CD151: variants seen among roughly 807,000 people sequenced by gnomAD.
CD151 encodes CD151 molecule (Raph blood group).
CD151 carries 20 observed loss-of-function variants against 34.2 expected under a neutral mutation model. The ratio of observed to expected loss-of-function variants is 0.58; its 90% CI spans 0.41 to 0.85. CD151 has a LOEUF of 0.85. Ranked by LOEUF, CD151 falls within the 40% of genes least tolerant of loss-of-function variation. The probability of loss-of-function intolerance (pLI) is 0.00; values close to 1 mark genes in which losing one functional copy is unlikely to be tolerated. For synonymous variants in CD151, 157 were observed against 131.7 expected, an observed-to-expected ratio of 1.19 and a Z score of -1.32; for missense variants, 306 against 324.5, an observed-to-expected ratio of 0.94 and a Z score of 0.44.
intron 7 of CD151, 49 bp downstream of exon 7, chr11:837,667 G>A (rs1846828480): frequency 1.8e-5 from 29 of 1,569,368 alleles, no homozygotes; most frequent in Non-Finnish European, 2.5e-5. Context: ...GGTGGTGGGG[G>A]GGCACCCCAG....
intron 5 of CD151, 34 bp from the exon 6 acceptor site, chr11:837,216 A>G: frequency 6.4e-7 from 1 of 1,564,350 alleles, no homozygotes; most frequent in Non-Finnish European, 8.8e-7. Flanking sequence ...AAGGTCTTAG[A>G]CTGAGGCTGA....
Position 838,391 on chromosome 11 carries a change from G to A in CD151, c.*199G>A, listed in dbSNP as rs1404406419. 1.1e-5 allele frequency: 6 copies of A among 546,524 alleles called. No homozygotes were observed. The highest frequency in any genetic ancestry group is 2.0e-5 in the Non-Finnish European group (6 of 305,352). The allele number at this position is 546,524 out of a possible 1,614,324, so 33.9% of individuals were successfully genotyped here. On this transcript the variant is annotated 3_prime_UTR_variant, in exon 9 of 9. Coordinates refer to ENST00000397420, the MANE Select transcript of CD151 (RefSeq NM_004357.5). The stretch of plus-strand genomic sequence containing the variant: ...AGGTGAGGGGGGCTGGCGGGGCGAA[G>A]TTTGGGGGGTGTTTTGTGGGGCTCC...
chr11:836,413 T>G lies in CD151; in HGVS notation c.247T>G (p.Phe83Val). The stretch of plus-strand genomic sequence containing the variant: ...TGGGGTCTTGGGCTGCTGCGCCACC[T>G]TCAAGGAGCGTCGGAACCTGCTGCG... Reference protein sequence around the residue: ...VTGVLGCCATFKERRNLLRLY... With the variant: ...VTGVLGCCATVKERRNLLRLY... Residue 83 changes from phenylalanine to valine, a missense_variant, in exon 4 of 9, where the codon TTC becomes GTC. By Grantham distance (50) the Phe-to-Val change is conservative (BLOSUM62 -1). Coordinates refer to ENST00000397420, the MANE Select transcript of CD151 (RefSeq NM_004357.5). 16 of 1,610,890 alleles carry G rather than the reference T, an allele frequency of 9.9e-6. No individual in the cohort carries two copies. Among genetic ancestry groups the G allele is most frequent in the Middle Eastern group, 1.7e-4 (1 of 6,054 alleles).
At chr11:835,689 A>G (rs1846731531) in intron 2 of CD151, 2 of 165,412 alleles carry the variant, frequency 1.2e-5, no homozygotes, top group South Asian at 2.6e-4. Context: ...TCTTTTTATT[A>G]TTTATTTATT....
At position 837,496 on chromosome 11, in the gene CD151, C is replaced by T. The variant is rs759213580; in HGVS notation, c.493C>T (p.Arg165Ter). 16 of 1,612,918 alleles carry T rather than the reference C, an allele frequency of 9.9e-6. No homozygotes were observed. The highest frequency in any genetic ancestry group is 2.2e-5 in the East Asian group (1 of 44,870). ...TGGCAGCAACAACTCACAGGACTGG[C>T]GAGACAGTGAGTGGATCCGCTCACA... ...CCGSNNSQDW[R>*]DSEWIRSQEA... The change falls in exon 7 of 9, where the codon CGA becomes TGA. Residue 165 changes from arginine to a stop codon, truncating the protein, a stop_gained. Coordinates refer to ENST00000397420, the MANE Select transcript of CD151 (RefSeq NM_004357.5). LOFTEE classifies it high-confidence loss of function.
chr11:836,760 C>G lies in CD151; in HGVS notation c.277-9C>G, dbSNP rs757285151. On this transcript the variant is annotated splice_polypyrimidine_tract_variant and intron_variant, in intron 4 of 8. Transcript: ENST00000397420. Reference sequence around the variant, plus strand: ...CAGAACAAGGGTGCCCTTGTGCTGCCCCCCCCAGTACTTCATCCTGCTCCT... The same window carrying G: ...CAGAACAAGGGTGCCCTTGTGCTGCGCCCCCCAGTACTTCATCCTGCTCCT... 5.0e-6 allele frequency: 8 copies of G among 1,612,250 alleles called. No individual in the cohort carries two copies. The South Asian group carries it at 8.8e-5, about 18-fold the overall frequency.
chr11:837,599 C>T lies in CD151; in HGVS notation c.596C>T (p.Ser199Phe), dbSNP rs1846824439. The T allele has an allele frequency of 1.9e-6, 3 of 1,612,436 alleles. No individual in the cohort carries two copies. The highest frequency in any genetic ancestry group is 2.5e-6 in the Non-Finnish European group (3 of 1,179,720). ...CTTTGTGGGCAGCGAGACCATGCCT[C>T]CAACATCTACAAGGTGGAGGTGGGT... is the stretch of plus-strand genomic sequence containing the variant. The part of the protein sequence containing the change: ...VALCGQRDHA[S>F]NIYKVEGGCI... The change falls in exon 7 of 9, where the codon TCC becomes TTC. Residue 199 changes from serine to phenylalanine, a missense_variant. Transcript: ENST00000397420.
chr11:836,992 G>C, intron 5 of CD151, 149 bp downstream of exon 5: 1 of 724,222 alleles, frequency 1.4e-6, no homozygotes, highest in Non-Finnish European at 2.4e-6. Flanking sequence ...ATGGGGTCTA[G>C]GTCTCTGCAG....
At chr11:833,953 C>T (rs899832521) in intron 1 of CD151, 2 of 152,298 alleles carry the variant, frequency 1.3e-5, no homozygotes, top group African/African-American at 4.8e-5. Context: ...AGGTCTGTCC[C>T]CCTCCAGCTC....
chr11:837,591 C>G lies in CD151; in HGVS notation c.588C>G (p.Asp196Glu), dbSNP rs753891282. 1 of 1,612,710 alleles carries G rather than the reference C, an allele frequency of 6.2e-7. No individual in the cohort carries two copies. The highest frequency in any genetic ancestry group is 1.7e-5 in the Admixed American group (1 of 60,004). ...TGGTGGCTCTTTGTGGGCAGCGAGA[C>G]CATGCCTCCAACATCTACAAGGTGG... Reference protein sequence around the residue: ...KTVVALCGQRDHASNIYKVEG... With the variant: ...KTVVALCGQREHASNIYKVEG... Residue 196 changes from aspartate (D) to glutamate (E), a missense_variant, in exon 7 of 9, where the codon GAC becomes GAG. Transcript: ENST00000397420.
intron 2 of CD151, 118 bp from the exon 3 acceptor site, chr11:835,945 C>G (rs1333716104): frequency 1.5e-5 from 10 of 682,432 alleles, no homozygotes; most frequent in Admixed American, 2.1e-5. Flanking sequence ...CCTTGGCCCC[C>G]CAAAGTGCTG....
At chr11:835,151 G>A (rs1449290777) in intron 2 of CD151, 1 of 152,244 alleles carries the variant, frequency 6.6e-6, no homozygotes, top group Non-Finnish European at 1.5e-5. Flanking sequence ...TGAGTCAGCA[G>A]TGATGGCGGG....
At chr11:836,466 G>A (rs950759437) in intron 4 of CD151, 24 bp downstream of exon 4, 1 of 1,558,222 alleles carries the variant, frequency 6.4e-7, no homozygotes. Context: ...AGGGCCACGG[G>A]GTGGGGGTGG....
chr11:836,330 G>A lies in CD151; in HGVS notation c.164G>A (p.Gly55Asp), dbSNP rs769690275. The A allele has an allele frequency of 3.7e-6, 6 of 1,612,726 alleles. No homozygotes were observed. In the Admixed American group the frequency reaches 8.3e-5, roughly 22 times the overall value. Residue 55 changes from glycine (G) to aspartate (D), a missense_variant, in exon 4 of 9, where the codon GGC becomes GAC. Coordinates refer to ENST00000397420, the MANE Select transcript of CD151 (RefSeq NM_004357.5). ...GACTACATCAGCCTGCTGGCCTCAG[G>A]CACCTACCTGGCCACAGCCTACATC... ...KSDYISLLAS[G>D]TYLATAYILV...
chr11:837,708 C>A, intron 7 of CD151, 90 bp downstream of exon 7: 2 of 1,336,728 alleles, frequency 1.5e-6, no homozygotes, highest in East Asian at 2.4e-5. Flanking sequence ...GACACGCCTC[C>A]AATATCTACC....
At chr11:837,721 G>T in intron 7 of CD151, 103 bp downstream of exon 7, 1 of 1,239,108 alleles carries the variant, frequency 8.1e-7, no homozygotes, top group Non-Finnish European at 1.1e-6. Context: ...TATCTACCAG[G>T]AGGTGGGGGG....
rs747628175 is a variant in CD151, at chr11:836,772, T to G, written c.280T>G (p.Phe94Val). 1.2e-6 allele frequency: 2 copies of G among 1,612,684 alleles called. No individual in the cohort carries two copies. The highest frequency in any genetic ancestry group is 3.3e-5 in the Admixed American group (2 of 59,992). ...KERRNLLRLY[F>V]ILLLIIFLLE... Reference sequence around the variant, plus strand: ...GCCCTTGTGCTGCCCCCCCCAGTACTTCATCCTGCTCCTCATCATCTTTCT... The same window carrying G: ...GCCCTTGTGCTGCCCCCCCCAGTACGTCATCCTGCTCCTCATCATCTTTCT... Residue 94 changes from phenylalanine to valine, a missense_variant, in exon 5 of 9, where the codon TTC (phenylalanine) becomes GTC (valine). Phe to Val is a conservative substitution (Grantham distance 50). Transcript: ENST00000397420.
At chr11:833,567 C>A (rs1846623239) in intron 1 of CD151, among the ~76,000 whole-genome samples, 1 of 152,204 alleles carries the variant, frequency 6.6e-6, no homozygotes, top group African/African-American at 2.4e-5. Flanking sequence ...CGCCCAGGGG[C>A]CTGGTGCAGG....
Position 837,634 on chromosome 11 carries a change from G to C in CD151, c.615+16G>C. 6.2e-7 allele frequency: 1 copy of C among 1,608,462 alleles called. No individual in the cohort carries two copies. The highest frequency in any genetic ancestry group is 8.5e-7 in the Non-Finnish European group (1 of 1,178,584). On this transcript the variant is annotated intron_variant, in intron 7 of 8. Transcript: ENST00000397420. ...CAAGGTGGAGGTGGGTGTGCAGCGG[G>C]ATCATGCCTCCAGTGTCTACGAGGT...
Sources: allele counts gnomAD v4.1 joint callset (sites outside exome capture counted in the v4.1 genomes callset), GRCh38; gene constraint gnomAD v4.1.1; transcripts MANE v1.5; gene names NCBI Gene and HGNC (gene_info 2026-07-23, HGNC 2026-07-21).